The following IFT43 variants were observed in gnomAD, a reference collection of about 807,000 sequenced individuals.
The protein encoded by IFT43 is intraflagellar transport protein 43 homolog.
IFT43 carries 33 observed loss-of-function variants against 32.3 expected under a neutral mutation model. The ratio of observed to expected loss-of-function variants is 1.02; its 90% CI spans 0.77 to 1.37. The LOEUF is 1.37. Among genes scored for constraint, IFT43 ranks in the 40% most tolerant of loss-of-function variants. IFT43 has a pLI of 0.00. For synonymous variants in IFT43, 93 were observed against 98.2 expected (o/e 0.95, Z 0.31); for missense variants, 274 against 265.9 (o/e 1.03, Z -0.21).
At chr14:76,012,260 G>C (rs1029710391) in intron 2 of IFT43, among the ~76,000 whole-genome samples, 12 of 152,118 alleles carry the variant, frequency 7.9e-5, no homozygotes, top group Admixed American at 5.9e-4. Flanking sequence ...AACTCAGAAG[G>C]CTCCTTTTTT....
chr14:76,050,913 C>T (rs1171899597), intron 3 of IFT43, among the ~76,000 whole-genome samples: 1 of 152,074 alleles, frequency 6.6e-6, no homozygotes, highest in Non-Finnish European at 1.5e-5. Context: ...CTACTCAAAG[C>T]GTTTCTGTGT....
At chr14:76,048,612 C>A (rs1434268788) in intron 3 of IFT43, among the ~76,000 whole-genome samples, 1 of 152,162 alleles carries the variant, frequency 6.6e-6, no homozygotes, top group Non-Finnish European at 1.5e-5. Flanking sequence ...TATAAATATG[C>A]ATAGGAAATG....
In IFT43 at chr14:75,999,244, T is replaced by TTC. The variant is rs1282503705; in HGVS notation, c.147+10267_147+10268insTC. Among the ~76,000 whole-genome samples the TTC allele has an allele frequency of 6.2e-3, 74 of 11,914 alleles. No homozygotes were observed. The Admixed American group carries it at 0.079, about 13-fold the overall frequency. The allele number at this position is 11,914 out of a possible 152,430, so 7.8% of individuals were successfully genotyped here. On this transcript the variant is annotated intron_variant, in intron 2 of 8. Transcript: ENST00000314067. ...AATTCATTTTATATATATATATATA[T>TTC]ATATATATATATATATATATATATA...
chr14:76,054,129 G>A (rs1177455331), intron 3 of IFT43, among the ~76,000 whole-genome samples: 2 of 152,196 alleles, frequency 1.3e-5, no homozygotes, highest in Admixed American at 6.5e-5. Flanking sequence ...TCTTGTCTAC[G>A]TGACTAGGTC....
At chr14:75,987,780 G>A (rs941317257) in intron 1 of IFT43, among the ~76,000 whole-genome samples, 3 of 152,134 alleles carry the variant, frequency 2.0e-5, no homozygotes, top group African/African-American at 4.8e-5. Context: ...GAGGGCCTTG[G>A]GAAACACCTG....
At chr14:76,050,960 A>T (rs1209395752) in intron 3 of IFT43, among the ~76,000 whole-genome samples, 14 of 151,930 alleles carry the variant, frequency 9.2e-5, no homozygotes, top group Admixed American at 9.2e-4. Flanking sequence ...TTTGAAGCAA[A>T]ACAAAGCTGT....
intron 8 of IFT43, 30 bp downstream of exon 8, chr14:76,083,319 C>T: frequency 6.2e-7 from 1 of 1,610,574 alleles, no homozygotes; most frequent in Non-Finnish European, 8.5e-7. Flanking sequence ...TCCCCGGTCT[C>T]TCAGCTCTGG....
At chr14:76,060,544 TA>T (rs920546916) in intron 5 of IFT43, among the ~76,000 whole-genome samples, 1 of 151,872 alleles carries the variant, frequency 6.6e-6, no homozygotes, top group African/African-American at 2.4e-5. Context: ...CTTTTTTTTT[TA>T]GACACACTTA....
chr14:76,072,294 A>G (rs189601084), intron 5 of IFT43, among the ~76,000 whole-genome samples: 2 of 152,218 alleles, frequency 1.3e-5, no homozygotes, highest in Non-Finnish European at 2.9e-5. Flanking sequence ...TTGCAGTGTG[A>G]GTATTGGAGA....
At chr14:76,011,784 C>G (rs2036090921) in intron 2 of IFT43, among the ~76,000 whole-genome samples, 1 of 152,140 alleles carries the variant, frequency 6.6e-6, no homozygotes, top group Admixed American at 6.5e-5. Context: ...TGGAGAAACT[C>G]AGTTCTCTGA....
At chr14:76,040,931 G>A (rs913938409) in intron 3 of IFT43, among the ~76,000 whole-genome samples, 2 of 152,198 alleles carry the variant, frequency 1.3e-5, no homozygotes, top group African/African-American at 4.8e-5. Flanking sequence ...AGACCCTGAG[G>A]CCACACATTG....
At chr14:75,985,965 A>C (rs2035514301) in intron 1 of IFT43, 125 bp downstream of exon 1, 6 of 1,533,704 alleles carry the variant, frequency 3.9e-6, no homozygotes, top group Middle Eastern at 2.0e-4. Context: ...GGTGAGGCCC[A>C]GAAGGAGGCA....
intron 3 of IFT43, among the ~76,000 whole-genome samples, chr14:76,034,395 T>C (rs1371081980): frequency 6.6e-6 from 1 of 152,178 alleles, no homozygotes; most frequent in Non-Finnish European, 1.5e-5. Context: ...TAATCAGCTC[T>C]GAAAGTCCCA....
chr14:76,077,054 G>A (rs947200403), intron 5 of IFT43, among the ~76,000 whole-genome samples: 36 of 152,060 alleles, frequency 2.4e-4, no homozygotes, highest in Admixed American at 6.6e-4. Flanking sequence ...GTTGCTGTGC[G>A]TTAATAAGCC....
chr14:76,062,948 A>AGAAAGAAAAAG (rs2037169710), intron 5 of IFT43, among the ~76,000 whole-genome samples: 3 of 141,210 alleles, frequency 2.1e-5, no homozygotes, highest in Admixed American at 1.5e-4. Flanking sequence ...AAAAGAAAAT[A>AGAAAGAAAAAG]CATTAAGTCA....
chr14:76,048,774 G>A (rs2036856336), intron 3 of IFT43, among the ~76,000 whole-genome samples: 1 of 152,208 alleles, frequency 6.6e-6, no homozygotes, highest in Non-Finnish European at 1.5e-5. Context: ...GAGCCCACGT[G>A]TTGAAGTGGC....
In IFT43 at chr14:75,998,010, G is replaced by A. The variant is rs545341958; in HGVS notation, c.147+9033G>A. Among the ~76,000 whole-genome samples, 36 of 152,304 alleles carry A rather than the reference G, an allele frequency of 2.4e-4. No homozygotes were observed. In the South Asian group the frequency reaches 7.0e-3, roughly 30 times the overall value. On this transcript the variant is annotated intron_variant, in intron 2 of 8. Coordinates refer to ENST00000314067, the MANE Select transcript of IFT43 (RefSeq NM_001102564.3). Reference sequence around the variant, plus strand: ...CTTAACTTAGTCCTGTGTCATCTGGGTCTTCTCTGCATGGCCAGCCTCATT... The same window carrying A: ...CTTAACTTAGTCCTGTGTCATCTGGATCTTCTCTGCATGGCCAGCCTCATT...
At chr14:76,022,656 T>TC in intron 3 of IFT43, 1 of 306,712 alleles carries the variant, frequency 3.3e-6, no homozygotes. Context: ...ACTTCCCATG[T>TC]CCCCCCAACC....
intron 5 of IFT43, among the ~76,000 whole-genome samples, chr14:76,080,423 C>T (rs181057340): frequency 4.8e-4 from 73 of 152,264 alleles, no homozygotes; most frequent in Middle Eastern, 3.4e-3. Context: ...GAGTGGACAT[C>T]GGGCAGAAGT....
Sources: gnomAD v4.1 joint callset for allele counts (sites outside exome capture counted in the v4.1 genomes callset) on GRCh38, gnomAD v4.1.1 for gene constraint, MANE v1.5 for transcripts, NCBI Gene and HGNC (gene_info 2026-07-23, HGNC 2026-07-21) for gene names.